MCUB: variants seen among roughly 807,000 people sequenced by gnomAD.
MCUB encodes calcium uniporter regulatory subunit MCUb, mitochondrial.
In MCUB, 46 loss-of-function variants were observed where a neutral mutation model predicts 41.4. The observed-to-expected ratio is 1.11, with a 90% CI of 0.88 to 1.42. The LOEUF is 1.42. Among genes scored for constraint, MCUB ranks in the 40% most tolerant of loss-of-function variants. The pLI, the probability that MCUB is intolerant of heterozygous loss-of-function variation, is 0.00. For synonymous variants in MCUB, 148 were observed against 148.2 expected (o/e 1.00, Z 0.01); for missense variants, 403 against 404.9 (o/e 1.00, Z 0.04).
intron 1 of MCUB, among the ~76,000 whole-genome samples, chr4:109,633,725 C>G (rs1388586571): frequency 1.3e-5 from 2 of 152,178 alleles, no homozygotes; most frequent in African/African-American, 2.4e-5. Flanking sequence ...CTCAGACACC[C>G]AGGCATCAAA....
At chr4:109,589,464 C>T (rs1054445929) in intron 1 of MCUB, among the ~76,000 whole-genome samples, 1 of 152,162 alleles carries the variant, frequency 6.6e-6, no homozygotes, top group African/African-American at 2.4e-5. Context: ...CAGCCTTCAC[C>T]CACTTACTTT....
At chr4:109,625,650 A>G (rs1728345072) in intron 1 of MCUB, among the ~76,000 whole-genome samples, 1 of 152,258 alleles carries the variant, frequency 6.6e-6, no homozygotes, top group Non-Finnish European at 1.5e-5. Flanking sequence ...CATAAGCTAA[A>G]GAGCATCCAT....
intron 1 of MCUB, among the ~76,000 whole-genome samples, chr4:109,643,541 G>A (rs1031375011): frequency 5.3e-5 from 8 of 150,210 alleles, no homozygotes; most frequent in Admixed American, 3.3e-4. Context: ...TTCCACTCTC[G>A]TCTCCCAGGC....
intron 1 of MCUB, among the ~76,000 whole-genome samples, chr4:109,619,446 G>A (rs1005164691): frequency 6.6e-6 from 1 of 152,088 alleles, no homozygotes; most frequent in Non-Finnish European, 1.5e-5. Flanking sequence ...GGTGGCTCAC[G>A]CCTGTAATCC....
At chr4:109,582,350 G>A (rs1205163238) in intron 1 of MCUB, among the ~76,000 whole-genome samples, 1 of 132,256 alleles carries the variant, frequency 7.6e-6, no homozygotes, top group Non-Finnish European at 1.6e-5. Flanking sequence ...ACACAGGAAG[G>A]GGAACATCAC....
intron 1 of MCUB, among the ~76,000 whole-genome samples, chr4:109,640,487 G>T (rs1047970069): frequency 6.6e-6 from 1 of 152,232 alleles, no homozygotes; most frequent in Non-Finnish European, 1.5e-5. Flanking sequence ...CTTCATCAAT[G>T]ATCTTAGCTA....
intron 1 of MCUB, among the ~76,000 whole-genome samples, chr4:109,637,765 G>A (rs1728626308): frequency 6.6e-6 from 1 of 152,098 alleles, no homozygotes; most frequent in African/African-American, 2.4e-5. Flanking sequence ...GTGGGAGGGG[G>A]GTGAGGGAAT....
intron 4 of MCUB, among the ~76,000 whole-genome samples, chr4:109,670,215 T>G (rs937613061): frequency 6.6e-6 from 1 of 152,182 alleles, no homozygotes; most frequent in African/African-American, 2.4e-5. Flanking sequence ...TAGGTCTCAG[T>G]CTTTTAGTGA....
intron 1 of MCUB, among the ~76,000 whole-genome samples, chr4:109,601,507 G>C (rs1283765452): frequency 6.6e-6 from 1 of 152,080 alleles, no homozygotes; most frequent in East Asian, 1.9e-4. Context: ...TTGTCTGTCT[G>C]TGCCTGGCTT....
At chr4:109,644,405 A>G (rs1185424248) in intron 1 of MCUB, among the ~76,000 whole-genome samples, 2 of 152,234 alleles carry the variant, frequency 1.3e-5, no homozygotes, top group Admixed American at 6.5e-5. Flanking sequence ...TGTCATAGTC[A>G]ACTAAAGGCT....
chr4:109,603,871 C>G (rs1354952904), intron 1 of MCUB, among the ~76,000 whole-genome samples: 1 of 152,240 alleles, frequency 6.6e-6, no homozygotes, highest in Non-Finnish European at 1.5e-5. Flanking sequence ...CGGCCGCCAC[C>G]CCGTCTGGGA....
chr4:109,624,716 A>ATGATAG (rs1293669907), intron 1 of MCUB, among the ~76,000 whole-genome samples: 1 of 152,224 alleles, frequency 6.6e-6, no homozygotes, highest in Non-Finnish European at 1.5e-5. Context: ...GATATTTGCC[A>ATGATAG]CTATCAGCAG....
At chr4:109,644,436 C>T (rs947361900) in intron 1 of MCUB, among the ~76,000 whole-genome samples, 1 of 152,172 alleles carries the variant, frequency 6.6e-6, no homozygotes, top group South Asian at 2.1e-4. Context: ...ATTTTCTAAA[C>T]ATTTACCCAC....
chr4:109,622,590 G>A (rs772798755), intron 1 of MCUB, among the ~76,000 whole-genome samples: 7 of 152,166 alleles, frequency 4.6e-5, no homozygotes, highest in Non-Finnish European at 8.8e-5. Flanking sequence ...AGGATCCTCT[G>A]AGGCACTTTA....
At chr4:109,597,897 C>T (rs566761436) in intron 1 of MCUB, among the ~76,000 whole-genome samples, 2,709 of 148,586 alleles carry the variant, frequency 0.018, 81 homozygotes, top group African/African-American at 0.058. Flanking sequence ...TGGGCAGAGA[C>T]GCTCCTCACC....
chr4:109,675,792 T>G (rs1275711679), intron 4 of MCUB, among the ~76,000 whole-genome samples: 2 of 152,194 alleles, frequency 1.3e-5, no homozygotes, highest in African/African-American at 4.8e-5. Context: ...AAAGGATGAG[T>G]TTGGCCCCTT....
intron 1 of MCUB, among the ~76,000 whole-genome samples, chr4:109,656,944 G>A (rs1729117136): frequency 6.6e-6 from 1 of 152,172 alleles, no homozygotes; most frequent in South Asian, 2.1e-4. Context: ...CTCAGGCCGG[G>A]TGTGGTGGGT....
At chr4:109,618,796 T>C (rs911027393) in intron 1 of MCUB, among the ~76,000 whole-genome samples, 11 of 152,196 alleles carry the variant, frequency 7.2e-5, no homozygotes, top group Admixed American at 7.2e-4. Context: ...CTTAGAATGG[T>C]CTTTTTCTAT....
At position 109,560,433 on chromosome 4, in the gene MCUB, C is replaced by T. The variant is rs772178949; in HGVS notation, c.96C>T (p.Pro32=). ...GCCCGTGGCCGCTGCCGCCTCCGCCCCAGGTAAGAGCGGGTGCCGGGCTGT... is the reference window on the plus strand; with the variant it reads ...GCCCGTGGCCGCTGCCGCCTCCGCCTCAGGTAAGAGCGGGTGCCGGGCTGT... ...PARPWPLPPP[P]QVLRVKLCGN... The change falls in exon 1 of 8, where the codon CCC becomes CCT. Residue 32 remains proline (P), a synonymous_variant. Coordinates refer to ENST00000394650, the MANE Select transcript of MCUB (RefSeq NM_017918.5). 5 of 1,283,668 alleles carry T rather than the reference C, an allele frequency of 3.9e-6. No homozygotes were observed. Among genetic ancestry groups the T allele is most frequent in the Admixed American group, 8.1e-5 (2 of 24,666 alleles). The allele number at this position is 1,283,668 out of a possible 1,614,324, so 79.5% of individuals were successfully genotyped here. A position where few individuals can be genotyped will look rare whatever the true frequency, so the allele number is the denominator to read the frequency against.
Sources: gnomAD v4.1 joint callset for allele counts (sites outside exome capture counted in the v4.1 genomes callset) on GRCh38, gnomAD v4.1.1 for gene constraint, MANE v1.5 for transcripts, NCBI Gene and HGNC (gene_info 2026-07-23, HGNC 2026-07-21) for gene names.